EFTUD2: variants seen among roughly 807,000 people sequenced by gnomAD.
The protein encoded by EFTUD2 is elongation factor Tu GTP binding domain containing 2, also known as 116 kDa U5 small nuclear ribonucleoprotein component.
EFTUD2 carries 9 observed loss-of-function variants against 114.3 expected under a neutral mutation model. The observed-to-expected ratio is 0.08, with a 90% CI of 0.05 to 0.14. The LOEUF is 0.14. Ranked by LOEUF, EFTUD2 falls within the 10% of genes least tolerant of loss-of-function variation. The pLI, the probability that EFTUD2 is intolerant of heterozygous loss-of-function variation, is 1.00. For missense variants in EFTUD2, 765 were observed against 1,241.2 expected (o/e 0.62, Z 5.76); for synonymous variants, 449 against 462.3 (o/e 0.97, Z 0.37).
chr17:44,879,054 T>C (rs962341004), intron 9 of EFTUD2, among the ~76,000 whole-genome samples: 8 of 152,218 alleles, frequency 5.3e-5, no homozygotes, highest in Non-Finnish European at 8.8e-5. Flanking sequence ...TGAGCTTCAC[T>C]GAGCAGGAAG....
chr17:44,894,463 T>G lies in EFTUD2; in HGVS notation c.59A>C (p.Asp20Ala). 6.2e-7 allele frequency: 1 copy of G among 1,614,206 alleles called. No individual in the cohort carries two copies. The highest frequency in any genetic ancestry group is 8.5e-7 in the Non-Finnish European group (1 of 1,180,016). ...GNYIGPELDS[D>A]EDDDELGRET... Reference sequence around the variant, plus strand: ...TCTACCCAATTCATCATCATCTTCATCAGAATCAAGCTCTGGTCCAATATA... The same window carrying G: ...TCTACCCAATTCATCATCATCTTCAGCAGAATCAAGCTCTGGTCCAATATA... Residue 20 changes from aspartate to alanine, a missense_variant, in exon 2 of 28, where the codon GAT becomes GCT. By Grantham distance (126) the Asp-to-Ala change is moderately radical. Around this residue, in one of 6 missense-constraint regions of EFTUD2, gnomAD observed 121 missense variants for 133.7 expected, o/e 0.90. Coordinates refer to ENST00000426333, the MANE Select transcript of EFTUD2 (RefSeq NM_004247.4).
chr17:44,868,632 A>C (rs993694425), intron 11 of EFTUD2, among the ~76,000 whole-genome samples: 7 of 152,192 alleles, frequency 4.6e-5, no homozygotes, highest in African/African-American at 1.7e-4. Flanking sequence ...CATGGGTTAC[A>C]TGTTTTCCTT....
intron 20 of EFTUD2, among the ~76,000 whole-genome samples, chr17:44,856,304 G>A (rs78543117): frequency 2.0e-5 from 3 of 151,656 alleles, no homozygotes; most frequent in South Asian, 2.1e-4. Context: ...CGAGGCGGGC[G>A]GACTGCCTGA....
chr17:44,889,855 A>C (rs895676138), intron 2 of EFTUD2, among the ~76,000 whole-genome samples: 9 of 152,186 alleles, frequency 5.9e-5, no homozygotes, highest in African/African-American at 2.2e-4. Context: ...CCTGCCCCAT[A>C]CTGCTGAATA....
At chr17:44,879,509 G>A in intron 9 of EFTUD2, 47 bp downstream of exon 9, 1 of 1,590,484 alleles carries the variant, frequency 6.3e-7, no homozygotes, top group Non-Finnish European at 8.6e-7. Context: ...CGGGGTGGGG[G>A]CAAACATAAC....
At chr17:44,867,703 A>G (rs930438640) in intron 13 of EFTUD2, 104 bp downstream of exon 13, 1 of 1,026,800 alleles carries the variant, frequency 9.7e-7, no homozygotes, top group Non-Finnish European at 1.3e-6. Context: ...TATACTTGAC[A>G]TAAAACTGAG....
chr17:44,886,531 T>C, intron 3 of EFTUD2, 54 bp downstream of exon 3: 1 of 1,598,850 alleles, frequency 6.3e-7, no homozygotes, highest in South Asian at 1.1e-5. Flanking sequence ...CTGAGAGCTA[T>C]GAAGTTTCCA....
intron 13 of EFTUD2, among the ~76,000 whole-genome samples, chr17:44,866,866 G>T (rs2050755024): frequency 6.6e-6 from 1 of 152,170 alleles, no homozygotes; most frequent in East Asian, 1.9e-4. Context: ...CACTTTGGGA[G>T]GCCAAGGCAG....
At position 44,859,933 on chromosome 17, in the gene EFTUD2, T is replaced by C. The variant is rs1238043522; in HGVS notation, c.1832A>G (p.Asn611Ser). The C allele has an allele frequency of 1.9e-6, 3 of 1,614,064 alleles. No individual in the cohort carries two copies. The highest frequency in any genetic ancestry group is 2.5e-6 in the Non-Finnish European group (3 of 1,180,040). ...PKMLDGLRKV[N>S]KSYPSLTTKV... Reference sequence around the variant, plus strand: ...GGTGGTGAGGGATGGATAGCTCTTGTTGACCTTGCGCAGGCCATCAAGCAT... The same window carrying C: ...GGTGGTGAGGGATGGATAGCTCTTGCTGACCTTGCGCAGGCCATCAAGCAT... Residue 611 changes from asparagine (N) to serine (S), a missense_variant, in exon 18 of 28, where the codon AAC becomes AGC. Asn to Ser is a conservative substitution (Grantham distance 46). This residue lies in a region of EFTUD2 where 149 missense variants were observed against 245.1 expected (regional missense o/e 0.61). Transcript: ENST00000426333.
Position 44,854,223 on chromosome 17 carries a change from G to C in EFTUD2, c.2347+46C>G. 6.4e-7 allele frequency: 1 copy of C among 1,564,866 alleles called. No individual in the cohort carries two copies. Among genetic ancestry groups the C allele is most frequent in the Non-Finnish European group, 8.7e-7 (1 of 1,152,134 alleles). ...GCCCATCCCACTCATATGCCTGGCT[G>C]CAAGGACCCTCGAGGACTGGGGTGG... On this transcript the variant is annotated intron_variant, in intron 23 of 27. Coordinates refer to ENST00000426333, the MANE Select transcript of EFTUD2 (RefSeq NM_004247.4). The surrounding 1 kb of genome is among the most constrained non-coding windows in gnomAD (Gnocchi z 4.3).
In EFTUD2 at chr17:44,853,345, C is replaced by T; in HGVS notation, c.2512G>A (p.Ala838Thr). The T allele has an allele frequency of 6.2e-7, 1 of 1,614,142 alleles. No homozygotes were observed. Among genetic ancestry groups the T allele is most frequent in the Non-Finnish European group, 8.5e-7 (1 of 1,179,982 alleles). Residue 838 changes from alanine (A) to threonine (T), a missense_variant, in exon 25 of 28, where the codon GCC becomes ACC. Ala to Thr is a moderately conservative substitution (Grantham distance 58, BLOSUM62 0). Transcript: ENST00000426333. ...MEPYYFVEVQAPADCVSAVYT... is the reference protein window; with the variant it reads ...MEPYYFVEVQTPADCVSAVYT... ...ACTGCAGAGACGCAATCTGCAGGGG[C>T]CTGGACCTCTACAAAGTAGTAAGGC...
At chr17:44,853,131 G>T (rs1025913265) in intron 25 of EFTUD2, among the ~76,000 whole-genome samples, 165 bp downstream of exon 25, 1 of 152,086 alleles carries the variant, frequency 6.6e-6, no homozygotes, top group Admixed American at 6.5e-5. Flanking sequence ...AGAAAAGCGG[G>T]GGCTTGCCTC....
chr17:44,858,875 C>T (rs1204590325), intron 19 of EFTUD2, among the ~76,000 whole-genome samples: 1 of 152,084 alleles, frequency 6.6e-6, no homozygotes, highest in African/African-American at 2.4e-5. Flanking sequence ...CCACCAAGCA[C>T]GGCTGAGCCT....
chr17:44,863,540 G>A, intron 15 of EFTUD2, 115 bp downstream of exon 15: 1 of 1,442,936 alleles, frequency 6.9e-7, no homozygotes, highest in South Asian at 1.3e-5. Context: ...CTGTGCTCAT[G>A]GGGATGGGGA....
At chr17:44,896,924 T>C (rs551651083) in intron 1 of EFTUD2, among the ~76,000 whole-genome samples, 75 of 152,180 alleles carry the variant, frequency 4.9e-4, no homozygotes, top group Non-Finnish European at 9.1e-4. Flanking sequence ...GTAAAGAATT[T>C]ACCAGAGTCC....
intron 20 of EFTUD2, 57 bp from the exon 21 acceptor site, chr17:44,855,061 T>A: frequency 6.8e-7 from 1 of 1,472,518 alleles, no homozygotes; most frequent in Non-Finnish European, 9.5e-7. Flanking sequence ...GAAGAGGCAT[T>A]ACTAAGAAAA....
chr17:44,895,360 G>A (rs182088108), intron 1 of EFTUD2, among the ~76,000 whole-genome samples: 261 of 152,250 alleles, frequency 1.7e-3, no homozygotes, highest in African/African-American at 6.0e-3. Flanking sequence ...GCTGGGTACG[G>A]TGGCTCACAC....
chr17:44,880,069 A>G (rs1029428539), intron 8 of EFTUD2, among the ~76,000 whole-genome samples: 1 of 152,292 alleles, frequency 6.6e-6, no homozygotes, highest in East Asian at 1.9e-4. Context: ...TGGGCATCAG[A>G]TGGTGCCAAG....
At chr17:44,889,773 T>C (rs1434650549) in intron 2 of EFTUD2, among the ~76,000 whole-genome samples, 1 of 152,142 alleles carries the variant, frequency 6.6e-6, no homozygotes, top group Non-Finnish European at 1.5e-5. Context: ...GGCCTAAGAT[T>C]ACATTAGCTC....
Sources: allele counts gnomAD v4.1 joint callset (sites outside exome capture counted in the v4.1 genomes callset), GRCh38; gene constraint gnomAD v4.1.1; regional missense constraint gnomAD v4.1.1; non-coding constraint Gnocchi (gnomAD v3.1); transcripts MANE v1.5; gene names NCBI Gene and HGNC (gene_info 2026-07-23, HGNC 2026-07-21).